Variants in ATAD2 observed in about 807,000 individuals in gnomAD.
ATAD2 encodes ATPase family AAA domain-containing protein 2.
A neutral mutation model predicts 168.9 loss-of-function variants in ATAD2; 62 were observed. The observed-to-expected ratio is 0.37, with a 90% CI of 0.30 to 0.45. The LOEUF is 0.45. Ranked by LOEUF, ATAD2 falls within the 20% of genes least tolerant of loss-of-function variation. ATAD2 has a pLI of 1.00. For synonymous variants in ATAD2, 613 were observed against 571.6 expected (o/e 1.07, Z -1.03); for missense variants, 1,419 against 1,667.8 (o/e 0.85, Z 2.60).
intron 1 of ATAD2, among the ~76,000 whole-genome samples, chr8:123,386,149 A>G (rs1302001647): frequency 1.3e-5 from 2 of 152,196 alleles, no homozygotes; most frequent in African/African-American, 4.8e-5. Context: ...CAAAATTTCT[A>G]TATGATCCAG....
At chr8:123,364,087 TAC>T (rs1197670887) in intron 8 of ATAD2, among the ~76,000 whole-genome samples, 1 of 152,162 alleles carries the variant, frequency 6.6e-6, no homozygotes. Flanking sequence ...AACATCGAAG[TAC>T]AGTTATAATA....
At chr8:123,413,222 GCGC>G (rs771749726) in intron 1 of ATAD2, among the ~76,000 whole-genome samples, 7 of 44,614 alleles carry the variant, frequency 1.6e-4, no homozygotes, top group South Asian at 1.4e-3. Flanking sequence ...GCTCTAATGA[GCGC>G]CCCCCCCCCC....
chr8:123,359,728 C>T (rs757449773), intron 9 of ATAD2, 43 bp from the exon 10 acceptor site: 2 of 1,317,792 alleles, frequency 1.5e-6, no homozygotes, highest in African/African-American at 1.5e-5. Context: ...CCCATCAACT[C>T]ACCCTCCTTC....
At chr8:123,401,138 C>T, upstream of ATAD2, 1 of 1,214,724 alleles carries the variant, frequency 8.2e-7, no homozygotes, top group Non-Finnish European at 1.2e-6. Context: ...CTGGTGGTGG[C>T]TCCAGCAGGA....
intron 1 of ATAD2, among the ~76,000 whole-genome samples, chr8:123,414,152 AT>A (rs565090749): frequency 2.1e-5 from 3 of 145,192 alleles, no homozygotes; most frequent in Admixed American, 6.9e-5. Context: ...ATGAAATCAG[AT>A]TTTTTTAACA....
intron 9 of ATAD2, among the ~76,000 whole-genome samples, chr8:123,360,247 T>TC (rs1586882137): frequency 6.6e-6 from 1 of 152,238 alleles, no homozygotes; most frequent in East Asian, 1.9e-4. Flanking sequence ...TCTGCTATGA[T>TC]ATCTCCCAGA....
chr8:123,361,817 G>T lies in ATAD2; in HGVS notation c.1050-171C>A, dbSNP rs528376496. ...GCTGAATCTTTCAAATGGAATAAAA[G>T]ACTTAAACAACTGAGAGGAAAGGAA... On this transcript the variant is annotated intron_variant, in intron 8 of 27. Coordinates refer to ENST00000287394, the MANE Select transcript of ATAD2 (RefSeq NM_014109.4). Among the ~76,000 whole-genome samples the T allele has an allele frequency of 5.3e-5, 8 of 152,202 alleles. No individual in the cohort carries two copies. The South Asian group carries it at 1.5e-3, about 28-fold the overall frequency.
At chr8:123,406,816 CAAAAA>C (rs61473512) in intron 1 of ATAD2, among the ~76,000 whole-genome samples, 32 of 134,634 alleles carry the variant, frequency 2.4e-4, no homozygotes, top group Admixed American at 3.0e-4. Context: ...GACCCTGTCT[CAAAAA>C]AAAAAAAAAA....
At chr8:123,369,205 G>A (rs1563854183) in intron 7 of ATAD2, 30 bp from the exon 8 acceptor site, 5 of 636,238 alleles carry the variant, frequency 7.9e-6, no homozygotes, top group Admixed American at 4.5e-5. Flanking sequence ...ATATATATTT[G>A]TATATATATA....
chr8:123,413,061 C>A (rs1813184618), intron 1 of ATAD2, among the ~76,000 whole-genome samples: 1 of 152,060 alleles, frequency 6.6e-6, no homozygotes, highest in South Asian at 2.1e-4. Context: ...AGAGCCATTC[C>A]TTTGAAATGT....
rs75303588 is a variant in ATAD2, at chr8:123,364,178, A to G, written c.1050-2532T>C. 8.1e-3 allele frequency among the ~76,000 whole-genome samples: 1,234 copies of G among 152,266 alleles called. 25 individuals are homozygous for G. Among genetic ancestry groups the G allele is most frequent in the African/African-American group, 0.027 (1,129 of 41,552 alleles). On this transcript the variant is annotated intron_variant, in intron 8 of 27. Transcript: ENST00000287394. ...TGTATTAACTCATCTAATTCTCACA[A>G]TACTATGAGATAGGTCCTACTATCC...
At chr8:123,383,251 A>G (rs1220800162) in intron 1 of ATAD2, among the ~76,000 whole-genome samples, 2 of 152,132 alleles carry the variant, frequency 1.3e-5, no homozygotes, top group African/African-American at 4.8e-5. Flanking sequence ...CGTAGATGAC[A>G]GGTTGATGGG....
chr8:123,322,076 C>T (rs1827484901), intron 27 of ATAD2, among the ~76,000 whole-genome samples: 1 of 151,148 alleles, frequency 6.6e-6, no homozygotes, highest in African/African-American at 2.5e-5. Flanking sequence ...CAACCTCTGC[C>T]TCCCAGGTTC....
intron 1 of ATAD2, among the ~76,000 whole-genome samples, chr8:123,410,190 C>G (rs547774368): frequency 6.6e-6 from 1 of 152,170 alleles, no homozygotes; most frequent in Non-Finnish European, 1.5e-5. Context: ...TTAACCAGAT[C>G]ATTGGAGTTT....
upstream of ATAD2, chr8:123,396,567 G>C (rs781028499): frequency 8.8e-6 from 5 of 565,260 alleles, no homozygotes; most frequent in Non-Finnish European, 1.5e-5. Context: ...CATTTGTAGA[G>C]CGAAGGAGGC....
At chr8:123,350,866 AG>A (rs1828429677) in intron 13 of ATAD2, among the ~76,000 whole-genome samples, 1 of 151,038 alleles carries the variant, frequency 6.6e-6, no homozygotes, top group African/African-American at 2.4e-5. Flanking sequence ...CTGGGACTAC[AG>A]GCGCCCGCTA....
intron 3 of ATAD2, 90 bp downstream of exon 3, chr8:123,372,547 T>G: frequency 2.1e-6 from 2 of 967,652 alleles, no homozygotes; most frequent in Non-Finnish European, 3.0e-6. Context: ...ACTTTAAACA[T>G]GTAAAATTTA....
intron 1 of ATAD2, among the ~76,000 whole-genome samples, chr8:123,392,729 C>A (rs990726576): frequency 1.3e-5 from 2 of 151,946 alleles, no homozygotes; most frequent in African/African-American, 2.4e-5. Flanking sequence ...AGCAGCTATG[C>A]CAGTGTGGCT....
At chr8:123,405,525 A>C (rs1441396595) in intron 1 of ATAD2, among the ~76,000 whole-genome samples, 2 of 152,068 alleles carry the variant, frequency 1.3e-5, no homozygotes, top group East Asian at 3.9e-4. Flanking sequence ...CGGCCTTCCG[A>C]AGTGCTGGGA....
Sources: allele counts gnomAD v4.1 joint callset (sites outside exome capture counted in the v4.1 genomes callset), GRCh38; gene constraint gnomAD v4.1.1; transcripts MANE v1.5; gene names NCBI Gene and HGNC (gene_info 2026-07-23, HGNC 2026-07-21).